The following LRRC49 variants were observed in gnomAD, a reference collection of about 807,000 sequenced individuals.
The protein encoded by LRRC49 is leucine-rich repeat-containing protein 49.
Under a neutral mutation model 83.3 loss-of-function variants are expected in LRRC49, and 50 were observed. The observed-to-expected ratio is 0.60, with a 90% CI of 0.48 to 0.76. The LOEUF (loss-of-function observed/expected upper bound fraction) is 0.76, where lower values mean the gene tolerates loss of function less well. LRRC49 is among the 30% of genes least tolerant of loss of function. The pLI is 0.00. For missense variants in LRRC49, 704 were observed against 809.1 expected (o/e 0.87, Z 1.58); for synonymous variants, 286 against 283.3 (o/e 1.01, Z -0.10).
At chr15:70,859,269 G>A (rs1218395577) in intron 1 of LRRC49, 11 of 855,612 alleles carry the variant, frequency 1.3e-5, no homozygotes, top group African/African-American at 3.3e-5. Flanking sequence ...ATCAATAAGC[G>A]TACAGAGGTG....
At chr15:70,987,423 A>G (rs1408311784) in intron 11 of LRRC49, among the ~76,000 whole-genome samples, 4 of 152,166 alleles carry the variant, frequency 2.6e-5, no homozygotes, top group African/African-American at 7.2e-5. Context: ...TTATTTGCAT[A>G]GAGGTGTTTG....
intron 8 of LRRC49, among the ~76,000 whole-genome samples, chr15:70,960,890 A>G (rs1303353873): frequency 6.6e-6 from 1 of 152,206 alleles, no homozygotes; most frequent in Non-Finnish European, 1.5e-5. Context: ...TTTTAGATAC[A>G]GGACCAAAAG....
At chr15:70,924,536 A>G (rs1301261601) in intron 7 of LRRC49, among the ~76,000 whole-genome samples, 1 of 151,998 alleles carries the variant, frequency 6.6e-6, no homozygotes, top group Non-Finnish European at 1.5e-5. Flanking sequence ...TAAGGACCTT[A>G]GAATCATTTA....
At chr15:71,009,197 T>G (rs1312385178) in intron 12 of LRRC49, among the ~76,000 whole-genome samples, 5 of 151,872 alleles carry the variant, frequency 3.3e-5, no homozygotes, top group Non-Finnish European at 7.4e-5. Flanking sequence ...GGGTTTTTGT[T>G]TTTATTTTCA....
chr15:70,952,928 C>T (rs930887627), intron 8 of LRRC49, among the ~76,000 whole-genome samples: 1 of 152,054 alleles, frequency 6.6e-6, no homozygotes, highest in Non-Finnish European at 1.5e-5. Context: ...GGTTTAAAGC[C>T]TGTTTTATCT....
At chr15:70,977,356 T>C in intron 9 of LRRC49, among the ~76,000 whole-genome samples, 1 of 152,150 alleles carries the variant, frequency 6.6e-6, no homozygotes, top group East Asian at 1.9e-4. Flanking sequence ...AGAATAATTA[T>C]TTTCCAGCTG....
intron 8 of LRRC49, among the ~76,000 whole-genome samples, chr15:70,944,943 C>G (rs1368967949): frequency 6.6e-6 from 1 of 152,172 alleles, no homozygotes; most frequent in African/African-American, 2.4e-5. Flanking sequence ...TCTCCCAGTT[C>G]CATGTGACCC....
At chr15:70,854,124 G>A in intron 1 of LRRC49, 1 of 1,220,128 alleles carries the variant, frequency 8.2e-7, no homozygotes, top group Non-Finnish European at 1.0e-6. Flanking sequence ...GGGTCCTCAC[G>A]CCGCAAGGCC....
rs761249325 is a variant in LRRC49 at position 70,893,703 on chromosome 15, C to T, written c.105+63C>T. 9 of 1,268,684 alleles carry T rather than the reference C, an allele frequency of 7.1e-6. No homozygotes were observed. The African/African-American group carries it at 1.2e-4, about 17-fold the overall frequency. The allele number at this position is 1,268,684 out of a possible 1,614,324, so 78.6% of individuals were successfully genotyped here. A position where few individuals can be genotyped will look rare whatever the true frequency, so the allele number is the denominator to read the frequency against. The stretch of plus-strand genomic sequence containing the variant: ...GTTTTAAATTCTACACAAATAGCAG[C>T]ATGACTTAAAGTGTAGATAGATTCT... On this transcript the variant is annotated intron_variant, in intron 2 of 15. Transcript: ENST00000260382.
intron 1 of LRRC49, among the ~76,000 whole-genome samples, chr15:70,855,355 GAAAAA>G (rs375399739): frequency 6.9e-6 from 1 of 145,460 alleles, no homozygotes; most frequent in Admixed American, 7.2e-5. Context: ...AAAAGAAAAA[GAAAAA>G]AAAAGAAAGA....
chr15:70,856,714 G>T (rs1001773008), intron 1 of LRRC49, among the ~76,000 whole-genome samples: 1 of 152,158 alleles, frequency 6.6e-6, no homozygotes, highest in Non-Finnish European at 1.5e-5. Flanking sequence ...GATCACGTTT[G>T]CAATGAGGAG....
intron 14 of LRRC49, among the ~76,000 whole-genome samples, chr15:71,025,312 C>G (rs1021039404): frequency 6.6e-6 from 1 of 152,110 alleles, no homozygotes; most frequent in Admixed American, 6.6e-5. Context: ...AGCCAGTCAC[C>G]TACAAAGGGA....
chr15:70,979,995 A>C (rs1394237273), intron 9 of LRRC49, 106 bp from the exon 10 acceptor site: 1 of 629,372 alleles, frequency 1.6e-6, no homozygotes, highest in East Asian at 2.8e-5. Flanking sequence ...TCTGCTAGTA[A>C]ATACTATGCC....
At chr15:70,972,283 C>T (rs974203088) in intron 9 of LRRC49, among the ~76,000 whole-genome samples, 1 of 152,140 alleles carries the variant, frequency 6.6e-6, no homozygotes, top group African/African-American at 2.4e-5. Context: ...GTTGAAAATT[C>T]TTTTCTTTAA....
chr15:70,972,436 C>A (rs2037042110), intron 9 of LRRC49, among the ~76,000 whole-genome samples: 1 of 152,130 alleles, frequency 6.6e-6, no homozygotes, highest in African/African-American at 2.4e-5. Context: ...TCATTTCAAC[C>A]TTGGTGTATC....
rs576523506 is a variant in LRRC49 at position 70,927,559 on chromosome 15, A to G, written c.711+8366A>G. ...GTCTGAGAAATCTTTTCCTGTCCCA[A>G]TATCATGACTATGTTCACCTACATT... On this transcript the variant is annotated intron_variant, in intron 7 of 15. Transcript: ENST00000260382. 2.6e-5 allele frequency among the ~76,000 whole-genome samples: 4 copies of G among 152,292 alleles called. No homozygotes were observed. In the South Asian group the frequency reaches 6.2e-4, roughly 24 times the overall value.
intron 7 of LRRC49, among the ~76,000 whole-genome samples, chr15:70,934,636 C>G (rs947053525): frequency 3.8e-4 from 58 of 152,056 alleles, no homozygotes; most frequent in Middle Eastern, 3.4e-3. Context: ...AAATTATATC[C>G]TGATGGAATT....
At chr15:70,972,877 C>G (rs2037061481) in intron 9 of LRRC49, among the ~76,000 whole-genome samples, 1 of 152,068 alleles carries the variant, frequency 6.6e-6, no homozygotes, top group Non-Finnish European at 1.5e-5. Context: ...TTCTTGTTAG[C>G]AGTTCCTGTA....
At chr15:70,894,968 T>G (rs1051219682) in intron 2 of LRRC49, among the ~76,000 whole-genome samples, 9 of 152,230 alleles carry the variant, frequency 5.9e-5, no homozygotes, top group African/African-American at 2.2e-4. Flanking sequence ...TTGATTTCTC[T>G]GGACAAATCC....
Sources: gnomAD v4.1 joint callset for allele counts (sites outside exome capture counted in the v4.1 genomes callset) on GRCh38, gnomAD v4.1.1 for gene constraint, MANE v1.5 for transcripts, NCBI Gene and HGNC (gene_info 2026-07-23, HGNC 2026-07-21) for gene names.